Variants in SEC23B observed in about 807,000 individuals in gnomAD.
SEC23B encodes the protein protein transport protein Sec23B.
In SEC23B, 77 loss-of-function variants were observed where a neutral mutation model predicts 104.3. That is an observed-to-expected ratio of 0.74 (90% CI 0.61 to 0.89). The LOEUF (loss-of-function observed/expected upper bound fraction) is 0.89, where lower values mean the gene tolerates loss of function less well. Ranked by LOEUF, SEC23B falls within the 40% of genes least tolerant of loss-of-function variation. SEC23B has a pLI of 0.00. For synonymous variants in SEC23B, 338 were observed against 332.5 expected (o/e 1.02, Z -0.18); for missense variants, 885 against 949.4 (o/e 0.93, Z 0.89).
chr20:18,551,151 T>G lies in SEC23B; in HGVS notation c.1968T>G (p.Phe656Leu), dbSNP rs950160004. The change falls in exon 17 of 20, where the codon TTT (phenylalanine) becomes TTG (leucine). Residue 656 changes from phenylalanine to leucine, a missense_variant. Coordinates refer to ENST00000650089, the MANE Select transcript of SEC23B (RefSeq NM_006363.6). ...ADRILLMDTF[F>L]QIVIYLGETI... is the part of the protein sequence containing the mutation. The stretch of plus-strand genomic sequence containing the variant: ...GAATTTTGCTGATGGATACTTTCTT[T>G]CAAATTGTCATTTATCTTGGTGAGG... 3.8e-6 allele frequency: 6 copies of G among 1,592,280 alleles called. No homozygotes were observed. In the Admixed American group the frequency reaches 6.7e-5, roughly 18 times the overall value.
chr20:18,509,598 A>T (rs6081176), intron 1 of SEC23B: 100,859 of 150,832 alleles, frequency 0.67, 35,309 homozygotes, highest in Non-Finnish European at 0.79. Context: ...CACAGTCTTC[A>T]TTTTTTTTTT....
Position 18,543,077 on chromosome 20 carries a change from G to A in SEC23B, c.1570G>A (p.Ala524Thr). Residue 524 changes from alanine to threonine, a missense_variant, in exon 14 of 20, where the codon GCG becomes ACG. Transcript: ENST00000650089. ...AGAAGCAGCATTTGACCAGGAGGCTGCGGCAGTGTTGATGGCACGGCTTGG... is the reference window on the plus strand; with the variant it reads ...AGAAGCAGCATTTGACCAGGAGGCTACGGCAGTGTTGATGGCACGGCTTGG... ...HIEAAFDQEA[A>T]AVLMARLGVF... is the part of the protein sequence containing the mutation. 1 of 1,614,198 alleles carries A rather than the reference G, an allele frequency of 6.2e-7. No individual in the cohort carries two copies. Among genetic ancestry groups the A allele is most frequent in the South Asian group, 1.1e-5 (1 of 91,088 alleles).
Position 18,543,096 on chromosome 20 carries a change from G to A in SEC23B, c.1589G>A (p.Arg530Gln), listed in dbSNP as rs368545054. 11 of 1,614,152 alleles carry A rather than the reference G, an allele frequency of 6.8e-6. No individual in the cohort carries two copies. The highest frequency in any genetic ancestry group is 1.1e-5 in the South Asian group (1 of 91,084). ...GAGGCTGCGGCAGTGTTGATGGCAC[G>A]GCTTGGGGTGTTCCGAGCGGAGTCA... ...DQEAAAVLMA[R>Q]LGVFRAESEE... Residue 530 changes from arginine (R) to glutamine (Q), a missense_variant, in exon 14 of 20, where the codon CGG becomes CAG. Arg to Gln is a conservative substitution (Grantham distance 43, BLOSUM62 1). Coordinates refer to ENST00000650089, the MANE Select transcript of SEC23B (RefSeq NM_006363.6).
rs768711783 is a variant in SEC23B at position 18,525,773 on chromosome 20, G to C, written c.690-15G>C. ...TTATTCAATCTGGGTTGATGTGTCT[G>C]TTAAAATCTTGCAGATTTCTGCAGC... is the stretch of plus-strand genomic sequence containing the variant. On this transcript the variant is annotated splice_polypyrimidine_tract_variant and intron_variant, in intron 6 of 19. Transcript: ENST00000650089. The C allele has an allele frequency of 6.2e-7, 1 of 1,614,134 alleles. No individual in the cohort carries two copies. Among genetic ancestry groups the C allele is most frequent in the Admixed American group, 1.7e-5 (1 of 60,028 alleles).
intron 1 of SEC23B, chr20:18,510,054 CAA>C (rs2059967811): frequency 6.6e-6 from 1 of 151,896 alleles, no homozygotes; most frequent in Admixed American, 6.6e-5. Context: ...CTCTTTTCTC[CAA>C]AGTTAACAAA....
intron 18 of SEC23B, 22 bp from the exon 19 acceptor site, chr20:18,555,086 T>G (rs1417136182): frequency 6.3e-7 from 1 of 1,599,754 alleles, no homozygotes; most frequent in Non-Finnish European, 8.6e-7. Context: ...TTTAAATCTT[T>G]TTGTTGTTGT....
intron 12 of SEC23B, 67 bp downstream of exon 12, chr20:18,535,809 T>G: frequency 8.3e-7 from 1 of 1,209,786 alleles, no homozygotes; most frequent in Admixed American, 1.7e-5. Context: ...CTCAAACCAG[T>G]GGTCTCTGGT....
rs34982139 is a variant in SEC23B at position 18,554,826 on chromosome 20, C to CAAA, written c.2149-268_2149-266dup. Reference sequence around the variant, plus strand: ...GGGGCTACAGAGTGAGACTCCGTCTCAAAAAAAAAAAAAAAATGAGTGGTC... The same window carrying CAAA: ...GGGGCTACAGAGTGAGACTCCGTCTCAAAAAAAAAAAAAAAAAAATGAGTGGTC... On this transcript the variant is annotated intron_variant, in intron 18 of 19. Coordinates refer to ENST00000650089, the MANE Select transcript of SEC23B (RefSeq NM_006363.6). Among the ~76,000 whole-genome samples, 917 of 120,094 alleles carry CAAA rather than the reference C, an allele frequency of 7.6e-3. 27 individuals are homozygous for CAAA. The highest frequency in any genetic ancestry group is 0.032 in the East Asian group (128 of 3,942). The allele number at this position is 120,094 out of a possible 152,430, so 78.8% of individuals were successfully genotyped here.
intron 15 of SEC23B, among the ~76,000 whole-genome samples, chr20:18,548,029 G>A (rs950791627): frequency 1.7e-4 from 26 of 151,958 alleles, no homozygotes; most frequent in African/African-American, 5.6e-4. Flanking sequence ...TCAGCTCACC[G>A]CAACCTCCCC....
intron 12 of SEC23B, among the ~76,000 whole-genome samples, chr20:18,541,848 A>G (rs893141951): frequency 3.9e-5 from 6 of 152,238 alleles, no homozygotes; most frequent in Non-Finnish European, 7.3e-5. Flanking sequence ...ACTTGCGCCA[A>G]TAGTCTTGCT....
At chr20:18,543,573 T>TA (rs2060308066) in intron 14 of SEC23B, among the ~76,000 whole-genome samples, 2 of 152,150 alleles carry the variant, frequency 1.3e-5, no homozygotes, top group Non-Finnish European at 2.9e-5. Context: ...GAAGTCACAC[T>TA]GTAATTTAAA....
At position 18,532,745 on chromosome 20, in the gene SEC23B, G is replaced by T; in HGVS notation, c.1314+1G>T. 3 of 1,611,060 alleles carry T rather than the reference G, an allele frequency of 1.9e-6. No homozygotes were observed. Among genetic ancestry groups the T allele is most frequent in the Non-Finnish European group, 2.5e-6 (3 of 1,177,168 alleles). On this transcript the variant is annotated splice_donor_variant, in intron 11 of 19. Coordinates refer to ENST00000650089, the MANE Select transcript of SEC23B (RefSeq NM_006363.6). LOFTEE classifies it high-confidence loss of function. ...GAAAGGACCGTGTGTGTCAGAAAAT[G>T]TAAGGAAAACAACTCCATCACCCTC... is the stretch of plus-strand genomic sequence containing the variant.
chr20:18,546,638 T>G (rs1339915862), intron 15 of SEC23B, among the ~76,000 whole-genome samples: 1 of 152,102 alleles, frequency 6.6e-6, no homozygotes, highest in East Asian at 1.9e-4. Flanking sequence ...GCCAACTGAG[T>G]ATTAAATATT....
intron 11 of SEC23B, among the ~76,000 whole-genome samples, chr20:18,534,968 C>G (rs984533952): frequency 1.3e-5 from 2 of 152,104 alleles, no homozygotes; most frequent in African/African-American, 4.8e-5. Context: ...TAATAAACAC[C>G]TGCTTCCTTT....
chr20:18,548,684 C>T lies in SEC23B; in HGVS notation c.1819C>T (p.His607Tyr). Reference protein sequence around the residue: ...NSPDESSYYRHHFARQDLTQS... With the variant: ...NSPDESSYYRYHFARQDLTQS... Reference sequence around the variant, plus strand: ...TCCTGATGAGTCGTCATATTACAGACATCATTTTGCCCGGCAGGACCTGAC... The same window carrying T: ...TCCTGATGAGTCGTCATATTACAGATATCATTTTGCCCGGCAGGACCTGAC... The change falls in exon 16 of 20, where the codon CAT (histidine) becomes TAT (tyrosine). Residue 607 changes from histidine to tyrosine, a missense_variant. By Grantham distance (83) the His-to-Tyr change is moderately conservative (BLOSUM62 2). Coordinates refer to ENST00000650089, the MANE Select transcript of SEC23B (RefSeq NM_006363.6). 1 of 1,614,036 alleles carries T rather than the reference C, an allele frequency of 6.2e-7. No individual in the cohort carries two copies. The highest frequency in any genetic ancestry group is 8.5e-7 in the Non-Finnish European group (1 of 1,179,888).
intron 19 of SEC23B, among the ~76,000 whole-genome samples, chr20:18,557,822 A>C (rs1257882780): frequency 1.4e-5 from 2 of 141,968 alleles, no homozygotes; most frequent in African/African-American, 5.3e-5. Flanking sequence ...GTGTGATCTC[A>C]GCTCACCGCA....
rs752548887 is a variant in SEC23B, at chr20:18,542,306, C to G, written c.1415C>G (p.Pro472Arg). 6.2e-7 allele frequency: 1 copy of G among 1,614,000 alleles called. No homozygotes were observed. The highest frequency in any genetic ancestry group is 1.3e-5 in the African/African-American group (1 of 74,924). ...YFEVVNQHNT[P>R]IPQGGRGAIQ... Reference sequence around the variant, plus strand: ...CCTCTCATCCTACAGCACAACACCCCGATCCCCCAAGGAGGCAGAGGAGCC... The same window carrying G: ...CCTCTCATCCTACAGCACAACACCCGGATCCCCCAAGGAGGCAGAGGAGCC... Residue 472 changes from proline (P) to arginine (R), a missense_variant, in exon 13 of 20, where the codon CCG becomes CGG. By Grantham distance (103) the Pro-to-Arg change is moderately radical (BLOSUM62 -2). Transcript: ENST00000650089.
intron 17 of SEC23B, among the ~76,000 whole-genome samples, chr20:18,552,570 T>C (rs2060398174): frequency 6.6e-6 from 1 of 152,138 alleles, no homozygotes; most frequent in African/African-American, 2.4e-5. Context: ...TCCCAGCACG[T>C]TGGGAGGCCG....
intron 17 of SEC23B, 66 bp downstream of exon 17, chr20:18,551,241 T>A: frequency 1.2e-6 from 1 of 842,566 alleles, no homozygotes; most frequent in African/African-American, 1.7e-5. Flanking sequence ...GCATACACAT[T>A]TAATGTGCAC....
Sources: allele counts gnomAD v4.1 joint callset (sites outside exome capture counted in the v4.1 genomes callset), GRCh38; gene constraint gnomAD v4.1.1; transcripts MANE v1.5; gene names NCBI Gene and HGNC (gene_info 2026-07-23, HGNC 2026-07-21).